Variants in STRN observed in about 807,000 individuals in gnomAD.
The protein encoded by STRN is protein phosphatase 2 regulatory subunit B'''alpha.
Under a neutral mutation model 96.3 loss-of-function variants are expected in STRN, and 53 were observed. The observed-to-expected ratio is 0.55, with a 90% CI of 0.44 to 0.69. The LOEUF (loss-of-function observed/expected upper bound fraction) is 0.69. STRN is among the 30% of genes least tolerant of loss of function. The pLI is 0.00. For synonymous variants in STRN, 428 were observed against 355.9 expected (o/e 1.20, Z -2.28); for missense variants, 987 against 963.9 (o/e 1.02, Z -0.32).
Position 36,849,459 on chromosome 2 carries a change from T to C in STRN, c.2340A>G (p.Val780=), listed in dbSNP as rs1668165209. ...AAGGTGAAGATGATGCATTGCGTCA[T>C]ACAAAGACTTTAGCCAGTGCGTCAG... The part of the protein sequence containing the change: ...AGADALAKVF[V] The change falls in exon 18 of 18, where the codon GTA becomes GTG. Residue 780 remains valine, a synonymous_variant. Coordinates refer to ENST00000263918, the MANE Select transcript of STRN (RefSeq NM_003162.4). 1 of 1,614,010 alleles carries C rather than the reference T, an allele frequency of 6.2e-7. No individual in the cohort carries two copies. Among genetic ancestry groups the C allele is most frequent in the South Asian group, 1.1e-5 (1 of 91,080 alleles).
chr2:36,912,585 G>A (rs561184631), intron 3 of STRN, among the ~76,000 whole-genome samples: 1 of 152,106 alleles, frequency 6.6e-6, no homozygotes, highest in African/African-American at 2.4e-5. Flanking sequence ...TCTTCTACCA[G>A]TCTTTTAAAT....
intron 14 of STRN, 27 bp downstream of exon 14, chr2:36,857,829 A>G: frequency 1.9e-6 from 3 of 1,585,686 alleles, no homozygotes; most frequent in East Asian, 2.3e-5. Context: ...TAGAGGATTC[A>G]GCAAAATAAT....
At chr2:36,953,472 A>G (rs1664808070) in intron 1 of STRN, among the ~76,000 whole-genome samples, 1 of 145,344 alleles carries the variant, frequency 6.9e-6, no homozygotes, top group Admixed American at 7.1e-5. Flanking sequence ...GCACAATCTC[A>G]GCTCACTGCA....
intron 12 of STRN, among the ~76,000 whole-genome samples, chr2:36,867,204 G>A (rs897817597): frequency 1.3e-5 from 2 of 151,728 alleles, no homozygotes; most frequent in African/African-American, 2.4e-5. Context: ...GAAACCCTTC[G>A]GCCAGGTGCC....
At chr2:36,884,771 C>G (rs1472117217) in intron 8 of STRN, among the ~76,000 whole-genome samples, 2 of 152,018 alleles carry the variant, frequency 1.3e-5, no homozygotes, top group Non-Finnish European at 2.9e-5. Flanking sequence ...GGAAATATCT[C>G]TACTAGACCA....
intron 3 of STRN, among the ~76,000 whole-genome samples, chr2:36,908,061 T>C (rs1436762330): frequency 6.6e-6 from 1 of 152,210 alleles, no homozygotes; most frequent in African/African-American, 2.4e-5. Flanking sequence ...AAATACATCT[T>C]GTTTCCACTG....
rs1455808979 is a variant in STRN, at chr2:36,839,507, A to T, written c.*9949T>A. On this transcript the variant is annotated 3_prime_UTR_variant, in exon 18 of 18. Coordinates refer to ENST00000263918, the MANE Select transcript of STRN (RefSeq NM_003162.4). ...CATGACCAGAAGTCTGTATTCAGAG[A>T]GTGAACAAGTCATTTGCTGGATGCT... 6.6e-6 allele frequency among the ~76,000 whole-genome samples: 1 copy of T among 152,222 alleles called. No homozygotes were observed. The highest frequency in any genetic ancestry group is 1.9e-4 in the East Asian group (1 of 5,204).
intron 1 of STRN, among the ~76,000 whole-genome samples, chr2:36,956,676 TCTG>T: frequency 6.6e-6 from 1 of 152,356 alleles, no homozygotes; most frequent in Middle Eastern, 3.4e-3. Context: ...TGTTTTAAAC[TCTG>T]CTTCAGTTAT....
chr2:36,931,691 G>A (rs2148240554), intron 1 of STRN, among the ~76,000 whole-genome samples: 1 of 152,276 alleles, frequency 6.6e-6, no homozygotes, highest in East Asian at 1.9e-4. Context: ...TATTTACTTA[G>A]AACCAGAAAC....
intron 1 of STRN, among the ~76,000 whole-genome samples, chr2:36,955,303 G>A (rs772876132): frequency 7.2e-5 from 11 of 152,110 alleles, no homozygotes; most frequent in Non-Finnish European, 1.0e-4. Context: ...TTGATGAAAC[G>A]GGGGATGAGA....
rs575174028 is a variant in STRN, at chr2:36,897,684, G to T, written c.795+1839C>A. Among the ~76,000 whole-genome samples, 30 of 151,918 alleles carry T rather than the reference G, an allele frequency of 2.0e-4. No homozygotes were observed. The South Asian group carries it at 6.2e-3, about 32-fold the overall frequency. Reference sequence around the variant, plus strand: ...GATCTCCTGACCTAGTGATCCATCCGTCTCGGCCTCCCAAAGTGCTGGGAT... The same window carrying T: ...GATCTCCTGACCTAGTGATCCATCCTTCTCGGCCTCCCAAAGTGCTGGGAT... On this transcript the variant is annotated intron_variant, in intron 6 of 17. Coordinates refer to ENST00000263918, the MANE Select transcript of STRN (RefSeq NM_003162.4).
At chr2:36,877,734 C>T (rs1668951589) in intron 10 of STRN, among the ~76,000 whole-genome samples, 157 bp downstream of exon 10, 1 of 152,188 alleles carries the variant, frequency 6.6e-6, no homozygotes, top group South Asian at 2.1e-4. Flanking sequence ...CAGCGTTTCT[C>T]AATGTTGGCC....
At chr2:36,957,613 C>T (rs141322460) in intron 1 of STRN, among the ~76,000 whole-genome samples, 2,067 of 151,526 alleles carry the variant, frequency 0.014, 46 homozygotes, top group African/African-American at 0.047. Flanking sequence ...TAAAGTGGCC[C>T]CAGACTGGTA....
chr2:36,916,987 A>T (rs1259118594), intron 2 of STRN, among the ~76,000 whole-genome samples: 8 of 151,834 alleles, frequency 5.3e-5, no homozygotes, highest in Non-Finnish European at 1.2e-4. Context: ...GCCATTTATA[A>T]TAAATATTCA....
intron 1 of STRN, among the ~76,000 whole-genome samples, chr2:36,949,974 T>C (rs1248727716): frequency 6.6e-6 from 1 of 151,504 alleles, no homozygotes; most frequent in Non-Finnish European, 1.5e-5. Flanking sequence ...TGAATAGAGA[T>C]CAGAAGCAAG....
chr2:36,883,840 G>T lies in STRN; in HGVS notation c.1186+92C>A, dbSNP rs529066570. On this transcript the variant is annotated intron_variant, in intron 9 of 17. Coordinates refer to ENST00000263918, the MANE Select transcript of STRN (RefSeq NM_003162.4). ...GCAGATCAAACATCTGCAGAATAAAGTTCTCTCTAATAGGAGAGGCCTTTC... is the reference window on the plus strand; with the variant it reads ...GCAGATCAAACATCTGCAGAATAAATTTCTCTCTAATAGGAGAGGCCTTTC... 35 of 1,201,084 alleles carry T rather than the reference G, an allele frequency of 2.9e-5. No homozygotes were observed. In the Admixed American group the frequency reaches 1.2e-3, roughly 40 times the overall value. The allele number at this position is 1,201,084 out of a possible 1,614,324, so 74.4% of individuals were successfully genotyped here.
chr2:36,866,101 C>A (rs1441394132), intron 12 of STRN, among the ~76,000 whole-genome samples: 1 of 151,956 alleles, frequency 6.6e-6, no homozygotes, highest in African/African-American at 2.4e-5. Context: ...GACAGGGTAT[C>A]GCTCGCTCTG....
At chr2:36,865,059 AGTT>A (rs1473918843) in intron 12 of STRN, among the ~76,000 whole-genome samples, 4 of 152,156 alleles carry the variant, frequency 2.6e-5, no homozygotes, top group Admixed American at 1.3e-4. Flanking sequence ...GAATGGCGCC[AGTT>A]GTTCTTTATG....
intron 1 of STRN, among the ~76,000 whole-genome samples, chr2:36,964,793 T>C (rs936158664): frequency 2.6e-5 from 4 of 152,240 alleles, no homozygotes; most frequent in African/African-American, 7.2e-5. Flanking sequence ...CATTATATTC[T>C]ATAGGCGCAT....
Sources: gnomAD v4.1 joint callset for allele counts (sites outside exome capture counted in the v4.1 genomes callset) on GRCh38, gnomAD v4.1.1 for gene constraint, MANE v1.5 for transcripts, NCBI Gene and HGNC (gene_info 2026-07-23, HGNC 2026-07-21) for gene names.